Variants in GALNT8 observed in about 807,000 individuals in gnomAD.
GALNT8 encodes the protein polypeptide N-acetylgalactosaminyltransferase 8.
Under a neutral mutation model 62.7 loss-of-function variants are expected in GALNT8, and 66 were observed. That is an observed-to-expected ratio of 1.05 (90% CI 0.86 to 1.29). GALNT8 has a LOEUF of 1.29. Ranked by LOEUF, GALNT8 falls within the 50% of genes most tolerant of loss-of-function variation. The probability of loss-of-function intolerance (pLI) is 0.00; values close to 1 mark genes in which losing one functional copy is unlikely to be tolerated. For synonymous variants in GALNT8, 288 were observed against 294.3 expected, an observed-to-expected ratio of 0.98 and a Z score of 0.22; for missense variants, 771 against 791.8, an observed-to-expected ratio of 0.97 and a Z score of 0.32.
chr12:4,745,934 G>A (rs895893492), intron 5 of GALNT8, among the ~76,000 whole-genome samples: 16 of 152,186 alleles, frequency 1.1e-4, no homozygotes, highest in Admixed American at 2.0e-4. Context: ...AGAAAAAGGT[G>A]TAATTTCAAT....
At chr12:4,745,103 T>C (rs991914048) in intron 4 of GALNT8, among the ~76,000 whole-genome samples, 1 of 152,138 alleles carries the variant, frequency 6.6e-6, no homozygotes, top group African/African-American at 2.4e-5. Context: ...GAAAGAAGCA[T>C]CACTTTGGAA....
intron 10 of GALNT8, 147 bp from the exon 11 acceptor site, chr12:4,772,298 T>C: frequency 1.4e-6 from 1 of 699,706 alleles, no homozygotes; most frequent in Non-Finnish European, 2.5e-6. Flanking sequence ...TCCTACATTC[T>C]GCTTCCCTTT....
intron 6 of GALNT8, among the ~76,000 whole-genome samples, chr12:4,756,646 C>A (rs1364687555): frequency 1.3e-5 from 2 of 152,142 alleles, no homozygotes; most frequent in East Asian, 1.9e-4. Context: ...TCTGGAGGAA[C>A]AAAGTAATTT....
At position 4,737,382 on chromosome 12, in the gene GALNT8, T is replaced by G. The variant is rs536242643; in HGVS notation, c.510-1781T>G. Reference sequence around the variant, plus strand: ...AATTAAACACTCCAGGAAGACCCAGTCAGAGAGCTTCTACACCTGTGTACA... The same window carrying G: ...AATTAAACACTCCAGGAAGACCCAGGCAGAGAGCTTCTACACCTGTGTACA... On this transcript the variant is annotated intron_variant, in intron 2 of 10. Coordinates refer to ENST00000252318, the MANE Select transcript of GALNT8 (RefSeq NM_017417.2). Among the ~76,000 whole-genome samples, 3 of 152,200 alleles carry G rather than the reference T, an allele frequency of 2.0e-5. No individual in the cohort carries two copies. The South Asian group carries it at 6.2e-4, about 32-fold the overall frequency.
rs141936261 is a variant in GALNT8, at chr12:4,766,114, T to C, written c.1761+568T>C. Among the ~76,000 whole-genome samples the C allele has an allele frequency of 2.1e-3, 317 of 152,284 alleles. 2 individuals are homozygous for C. Among genetic ancestry groups the C allele is most frequent in the African/African-American group, 7.0e-3 (290 of 41,560 alleles). ...TGATAGGTATATGAAAGGTTCAGAT[T>C]TGATTTGATAGTGTTTTAGGAGAAT... On this transcript the variant is annotated intron_variant, in intron 10 of 10. Coordinates refer to ENST00000252318, the MANE Select transcript of GALNT8 (RefSeq NM_017417.2).
intron 10 of GALNT8, among the ~76,000 whole-genome samples, chr12:4,771,260 C>G (rs1057174719): frequency 2.0e-5 from 3 of 152,176 alleles, no homozygotes; most frequent in Admixed American, 1.3e-4. Context: ...CAGACCCTGT[C>G]CACAAGCACT....
At chr12:4,772,314 C>A in intron 10 of GALNT8, 131 bp from the exon 11 acceptor site, 1 of 763,912 alleles carries the variant, frequency 1.3e-6, no homozygotes, top group Non-Finnish European at 2.2e-6. Context: ...CCTTTCTTCC[C>A]TGGATGACTT....
intron 6 of GALNT8, 33 bp downstream of exon 6, chr12:4,746,291 A>T: frequency 3.4e-6 from 4 of 1,159,530 alleles, no homozygotes; most frequent in Non-Finnish European, 5.2e-6. Flanking sequence ...TATGGGACAA[A>T]GCAGAAAGGG....
At chr12:4,745,707 T>G in intron 5 of GALNT8, 81 bp downstream of exon 5, 2 of 1,055,698 alleles carry the variant, frequency 1.9e-6, no homozygotes, top group Non-Finnish European at 2.9e-6. Flanking sequence ...TTATCTTTGG[T>G]GGTAGTAATT....
chr12:4,770,428 T>C (rs1419704590), intron 10 of GALNT8, among the ~76,000 whole-genome samples: 1 of 152,010 alleles, frequency 6.6e-6, no homozygotes, highest in Non-Finnish European at 1.5e-5. Flanking sequence ...TCAAAGCTCA[T>C]GTCATGTGGA....
At position 4,763,997 on chromosome 12, in the gene GALNT8, G is replaced by T. The variant is rs1468556; in HGVS notation, c.1543G>T (p.Val515Phe). 643,214 of 1,592,904 alleles carry T rather than the reference G, an allele frequency of 0.4. 133,355 individuals carry two copies. The highest frequency in any genetic ancestry group is 0.45 in the Admixed American group (26,735 of 59,968). ...DENVCLDQGP[V>F]PGNTPIMYYC... ...AAATGTCTGCTTGGATCAGGGACCC[G>T]TTCCAGGCAACACCCCCATCATGTA... The change falls in exon 9 of 11, where the codon GTT (valine) becomes TTT (phenylalanine). Residue 515 changes from valine to phenylalanine, a missense_variant. By Grantham distance (50) the Val-to-Phe change is conservative (BLOSUM62 -1). Coordinates refer to ENST00000252318, the MANE Select transcript of GALNT8 (RefSeq NM_017417.2).
intron 3 of GALNT8, among the ~76,000 whole-genome samples, chr12:4,742,786 G>A (rs139446268): frequency 2.0e-5 from 3 of 152,276 alleles, no homozygotes; most frequent in East Asian, 1.9e-4. Context: ...TGAGGAATCC[G>A]GAAGCGCCCT....
At chr12:4,729,783 T>C (rs1471582944) in intron 2 of GALNT8, among the ~76,000 whole-genome samples, 4 of 152,210 alleles carry the variant, frequency 2.6e-5, no homozygotes, top group Non-Finnish European at 5.9e-5. Flanking sequence ...GTTCCATTTT[T>C]AGTATTTGAG....
chr12:4,755,256 G>A (rs1324642100), intron 6 of GALNT8, among the ~76,000 whole-genome samples: 3 of 152,218 alleles, frequency 2.0e-5, no homozygotes. Flanking sequence ...AGGTTTGTGG[G>A]AACTCAAGGT....
Position 4,720,767 on chromosome 12 carries a change from G to C in GALNT8, c.90G>C (p.Lys30Asn), listed in dbSNP as rs1225603708. The change falls in exon 1 of 11, where the codon AAG (lysine) becomes AAC (asparagine). Residue 30 changes from lysine (K) to asparagine (N), a missense_variant. Coordinates refer to ENST00000252318, the MANE Select transcript of GALNT8 (RefSeq NM_017417.2). ...ATCTCCTTCTGGTATTTTCTAGCAAGGGGACTTTACAAAACCTGTTTACGG... is the reference window on the plus strand; with the variant it reads ...ATCTCCTTCTGGTATTTTCTAGCAACGGGACTTTACAAAACCTGTTTACGG... ...AVNLLLVFSSKGTLQNLFTGG... is the reference protein window; with the variant it reads ...AVNLLLVFSSNGTLQNLFTGG... The C allele has an allele frequency of 6.2e-7, 1 of 1,612,972 alleles. No homozygotes were observed. The highest frequency in any genetic ancestry group is 1.7e-5 in the Admixed American group (1 of 60,024).
chr12:4,757,320 C>A (rs1946349729), intron 6 of GALNT8, among the ~76,000 whole-genome samples: 1 of 152,160 alleles, frequency 6.6e-6, no homozygotes, highest in South Asian at 2.1e-4. Flanking sequence ...ATGGTACAGT[C>A]ACAATGTAAT....
chr12:4,767,120 C>T (rs890574140), intron 10 of GALNT8, among the ~76,000 whole-genome samples: 1 of 152,070 alleles, frequency 6.6e-6, no homozygotes, highest in Admixed American at 6.6e-5. Flanking sequence ...GCTTCTTCAC[C>T]AGGCCAACTA....
intron 6 of GALNT8, among the ~76,000 whole-genome samples, chr12:4,757,678 A>C (rs1479404867): frequency 6.6e-6 from 1 of 152,204 alleles, no homozygotes; most frequent in Non-Finnish European, 1.5e-5. Flanking sequence ...TTACATGGCC[A>C]CACCTGTGTG....
At chr12:4,725,865 A>T (rs541799030) in intron 1 of GALNT8, among the ~76,000 whole-genome samples, 4 of 152,030 alleles carry the variant, frequency 2.6e-5, no homozygotes, top group Non-Finnish European at 4.4e-5. Context: ...GCTTTTGAAG[A>T]CATTCTTACG....
Sources: gnomAD v4.1 joint callset for allele counts (sites outside exome capture counted in the v4.1 genomes callset) on GRCh38, gnomAD v4.1.1 for gene constraint, MANE v1.5 for transcripts, NCBI Gene and HGNC (gene_info 2026-07-23, HGNC 2026-07-21) for gene names.